The following PTPRA variants were observed in gnomAD, a reference collection of about 807,000 sequenced individuals.
PTPRA encodes the protein receptor-type tyrosine-protein phosphatase alpha.
Under a neutral mutation model 104.8 loss-of-function variants are expected in PTPRA, and 25 were observed. The ratio of observed to expected loss-of-function variants is 0.24; its 90% CI spans 0.17 to 0.33. The LOEUF is 0.33. Ranked by LOEUF, PTPRA falls within the 10% of genes least tolerant of loss-of-function variation. The pLI is 1.00. For missense variants in PTPRA, 765 were observed against 1,015.3 expected (o/e 0.75, Z 3.35); for synonymous variants, 323 against 368.9 (o/e 0.88, Z 1.43).
intron 2 of PTPRA, among the ~76,000 whole-genome samples, chr20:2,924,397 CTA>C (rs1358462381): frequency 6.6e-6 from 1 of 152,134 alleles, no homozygotes; most frequent in Non-Finnish European, 1.5e-5. Context: ...CAGGGCGAGA[CTA>C]TGTATCAACA....
intron 12 of PTPRA, 82 bp downstream of exon 12, chr20:3,015,967 G>T: frequency 2.3e-6 from 3 of 1,320,892 alleles, no homozygotes; most frequent in South Asian, 1.3e-5. Context: ...AATGCTGAGT[G>T]GATTAACCAG....
At chr20:2,891,947 TTTTA>T (rs754600217) in intron 1 of PTPRA, among the ~76,000 whole-genome samples, 23 of 152,180 alleles carry the variant, frequency 1.5e-4, no homozygotes, top group Non-Finnish European at 2.9e-4. Context: ...TATTTTATGG[TTTTA>T]TTTGTTTATT....
intron 11 of PTPRA, among the ~76,000 whole-genome samples, chr20:3,012,315 C>T (rs907085738): frequency 4.6e-5 from 7 of 152,106 alleles, no homozygotes; most frequent in African/African-American, 1.2e-4. Flanking sequence ...GCAGGTAGAT[C>T]ACAAATGATG....
At chr20:2,937,146 ACGG>A (rs2060736123) in intron 2 of PTPRA, among the ~76,000 whole-genome samples, 2 of 133,452 alleles carry the variant, frequency 1.5e-5, no homozygotes, top group African/African-American at 5.8e-5. Context: ...TTTTTTTGAG[ACGG>A]AGTCTTGCTC....
At chr20:2,926,954 C>T (rs2060323730) in intron 2 of PTPRA, among the ~76,000 whole-genome samples, 1 of 151,848 alleles carries the variant, frequency 6.6e-6, no homozygotes. Flanking sequence ...CCACGCCCGG[C>T]TAATTTTTGT....
chr20:2,927,261 A>G (rs2060335480), intron 2 of PTPRA, among the ~76,000 whole-genome samples: 1 of 152,060 alleles, frequency 6.6e-6, no homozygotes, highest in Non-Finnish European at 1.5e-5. Flanking sequence ...GCCAGGCAGC[A>G]TTTTCTGGGT....
chr20:2,894,623 G>A (rs766389427), intron 1 of PTPRA, among the ~76,000 whole-genome samples: 1 of 147,902 alleles, frequency 6.8e-6, no homozygotes, highest in Non-Finnish European at 1.5e-5. Context: ...TTTTTTTTTA[G>A]CCCACTGTGC....
At chr20:2,892,579 G>A (rs986494243) in intron 1 of PTPRA, among the ~76,000 whole-genome samples, 2 of 152,286 alleles carry the variant, frequency 1.3e-5, no homozygotes, top group South Asian at 4.1e-4. Context: ...GGGTAAATGA[G>A]TATACTCCAT....
In PTPRA at chr20:3,037,962, A is replaced by G. The variant is rs1171077513; in HGVS notation, c.2335-97A>G. On this transcript the variant is annotated intron_variant, in intron 23 of 23. Coordinates refer to ENST00000399903, the MANE Select transcript of PTPRA (RefSeq NM_001385305.1). The surrounding 1 kb of genome is among the most constrained non-coding windows in gnomAD (Gnocchi z 4.3). ...GTTCAAAAACATTCAGTTCCTCTTG[A>G]TTTTCCATCTTCAACAAAAAAATGA... 6 of 1,075,214 alleles carry G rather than the reference A, an allele frequency of 5.6e-6. No individual in the cohort carries two copies. Among genetic ancestry groups the G allele is most frequent in the Non-Finnish European group, 8.5e-6 (6 of 709,996 alleles). The allele number at this position is 1,075,214 out of a possible 1,614,324, so 66.6% of individuals were successfully genotyped here. A position where few individuals can be genotyped will look rare whatever the true frequency, so the allele number is the denominator to read the frequency against.
intron 1 of PTPRA, among the ~76,000 whole-genome samples, chr20:2,890,807 A>G (rs764561457): frequency 6.6e-6 from 1 of 151,358 alleles, no homozygotes; most frequent in Non-Finnish European, 1.5e-5. Context: ...TTCTTTGACC[A>G]CTCCTTGTTT....
Position 3,022,499 on chromosome 20 carries a change from G to A in PTPRA, c.1329-190G>A, listed in dbSNP as rs759309941. Among the ~76,000 whole-genome samples the A allele has an allele frequency of 5.9e-5, 9 of 152,156 alleles. No individual in the cohort carries two copies. Among genetic ancestry groups the A allele is most frequent in the African/African-American group, 1.9e-4 (8 of 41,444 alleles). On this transcript the variant is annotated intron_variant, in intron 15 of 23. Coordinates refer to ENST00000399903, the MANE Select transcript of PTPRA (RefSeq NM_001385305.1). The surrounding 1 kb of genome is among the most constrained non-coding windows in gnomAD (Gnocchi z 4.6). ...CTGGCCATGTATTTTTGCAGCCTTC[G>A]GACCCTTCTAGCTGGAGGTCAGGAT...
intron 2 of PTPRA, among the ~76,000 whole-genome samples, chr20:2,931,718 TTG>T (rs11469421): frequency 0.52 from 77,660 of 149,644 alleles, 20,889 homozygotes; most frequent in Non-Finnish European, 0.61. Flanking sequence ...GGGTCTTGGC[TTG>T]TGTGTGTGTG....
chr20:2,878,545 TA>T (rs2089876260), intron 1 of PTPRA, among the ~76,000 whole-genome samples: 1 of 152,226 alleles, frequency 6.6e-6, no homozygotes. Flanking sequence ...TTTATTCTTT[TA>T]TTTTTTTCTA....
chr20:2,941,910 C>A (rs948322622), intron 2 of PTPRA, among the ~76,000 whole-genome samples: 1 of 152,096 alleles, frequency 6.6e-6, no homozygotes, highest in Admixed American at 6.6e-5. Flanking sequence ...CTTCTATAGG[C>A]TCTTAGAGTC....
chr20:2,919,583 A>T (rs780848456), intron 1 of PTPRA, among the ~76,000 whole-genome samples: 1 of 152,110 alleles, frequency 6.6e-6, no homozygotes, highest in Non-Finnish European at 1.5e-5. Context: ...TTGCCCTGCC[A>T]CCCAGGCTGG....
intron 2 of PTPRA, among the ~76,000 whole-genome samples, chr20:2,928,119 TTTG>T (rs556603510): frequency 6.6e-6 from 1 of 151,874 alleles, no homozygotes. Context: ...GTATCCGTTT[TTTG>T]TTGTTGTTGT....
chr20:3,022,939 T>C lies in PTPRA; in HGVS notation c.1464+115T>C. 7 of 1,472,906 alleles carry C rather than the reference T, an allele frequency of 4.8e-6. No individual in the cohort carries two copies. The highest frequency in any genetic ancestry group is 2.6e-5 in the South Asian group (2 of 75,606). 91.2% of individuals were successfully genotyped at this position (1,472,906 alleles called of 1,614,324 possible). A position where few individuals can be genotyped will look rare whatever the true frequency, so the allele number is the denominator to read the frequency against. ...TGTAAATGATTACTATAGAGTGTGA[T>C]TGTGGGGGAAAGAAAGATAGATCAC... On this transcript the variant is annotated intron_variant, in intron 16 of 23. Transcript: ENST00000399903. The surrounding 1 kb of genome is among the most constrained non-coding windows in gnomAD (Gnocchi z 4.6).
At chr20:2,999,247 G>A (rs149711184) in intron 9 of PTPRA, among the ~76,000 whole-genome samples, 1,870 of 152,238 alleles carry the variant, frequency 0.012, 15 homozygotes, top group Admixed American at 0.021. Context: ...AGGATCAATG[G>A]ATTAGGAGGC....
intron 2 of PTPRA, among the ~76,000 whole-genome samples, chr20:2,923,791 C>G (rs1188485988): frequency 6.6e-6 from 1 of 152,060 alleles, no homozygotes; most frequent in Non-Finnish European, 1.5e-5. Context: ...AAGAATGAAA[C>G]TCCTTCTCAA....
Sources: allele counts gnomAD v4.1 joint callset (sites outside exome capture counted in the v4.1 genomes callset), GRCh38; gene constraint gnomAD v4.1.1; non-coding constraint Gnocchi (gnomAD v3.1); transcripts MANE v1.5; gene names NCBI Gene and HGNC (gene_info 2026-07-23, HGNC 2026-07-21).